SAFB2: variants seen among roughly 807,000 people sequenced by gnomAD.
SAFB2 encodes the protein scaffold attachment factor B2.
In SAFB2, 32 loss-of-function variants were observed where a neutral mutation model predicts 100.6. The observed-to-expected ratio is 0.32, with a 90% confidence interval of 0.24 to 0.43. The LOEUF (loss-of-function observed/expected upper bound fraction) is 0.43, where lower values mean the gene tolerates loss of function less well. SAFB2 is among the 20% of genes least tolerant of loss of function. The pLI is 1.00. For missense variants in SAFB2, 1,185 were observed against 1,163.4 expected, an observed-to-expected ratio of 1.02 and a Z score of -0.27; for synonymous variants, 500 against 439.4, an observed-to-expected ratio of 1.14 and a Z score of -1.72.
intron 6 of SAFB2, chr19:5,612,156 G>A: frequency 3.0e-6 from 1 of 336,000 alleles, no homozygotes; most frequent in South Asian, 3.2e-5. Context: ...CTTCTCAGGT[G>A]GTAAGTGCCC....
intron 4 of SAFB2, among the ~76,000 whole-genome samples, chr19:5,615,472 C>G (rs1253382315): frequency 6.6e-6 from 1 of 151,994 alleles, no homozygotes; most frequent in Non-Finnish European, 1.5e-5. Flanking sequence ...CTCTGGGAGG[C>G]TGAGGCGGGA....
chr19:5,587,042 A>T lies in SAFB2; in HGVS notation c.*201T>A. 1.4e-6 allele frequency: 1 copy of T among 718,152 alleles called. No homozygotes were observed. Among genetic ancestry groups the T allele is most frequent in the Non-Finnish European group, 2.2e-6 (1 of 445,598 alleles). 44.5% of individuals were successfully genotyped at this position (718,152 alleles called of 1,614,324 possible). A position where few individuals can be genotyped will look rare whatever the true frequency, so the allele number is the denominator to read the frequency against. On this transcript the variant is annotated 3_prime_UTR_variant, in exon 21 of 21. Coordinates refer to ENST00000252542, the MANE Select transcript of SAFB2 (RefSeq NM_014649.3). This position sits in a 1 kb window ranked among gnomAD's most constrained non-coding sequence, Gnocchi z 4.9. ...TTAATGGAAAATGGAATGCCTCGTT[A>T]ACAGAAACCTTGATTTAAAAATGGC...
At chr19:5,611,881 G>A (rs1352770742) in intron 6 of SAFB2, 1 of 640,272 alleles carries the variant, frequency 1.6e-6, no homozygotes, top group Non-Finnish European at 2.8e-6. Context: ...CAACCACGCG[G>A]CTGGTTCTCA....
At chr19:5,591,662 T>G in intron 17 of SAFB2, 86 bp downstream of exon 17, 1 of 1,384,940 alleles carries the variant, frequency 7.2e-7, no homozygotes. Context: ...CTCTCTGGGA[T>G]CAAGCGGCCG....
intron 9 of SAFB2, 94 bp downstream of exon 9, chr19:5,609,901 C>G (rs987273606): frequency 2.0e-5 from 22 of 1,109,770 alleles, no homozygotes; most frequent in Middle Eastern, 2.0e-4. Context: ...GCCTCCCAAA[C>G]TGCTGGGATT....
In SAFB2 at chr19:5,591,622, A is replaced by AC. The variant is rs1471702782; in HGVS notation, c.2394+125dup. The AC allele has an allele frequency of 1.7e-5, 14 of 815,388 alleles. No individual in the cohort carries two copies. In the East Asian group the frequency reaches 2.9e-4, roughly 17 times the overall value. The allele number at this position is 815,388 out of a possible 1,614,324, so 50.5% of individuals were successfully genotyped here. A position where few individuals can be genotyped will look rare whatever the true frequency, so the allele number is the denominator to read the frequency against. ...CGCTGGCCAGAACCCACACTTGCAT[A>AC]CCCGCCACACGTGCTGACTTGGTTG... is the stretch of plus-strand genomic sequence containing the variant. On this transcript the variant is annotated intron_variant, in intron 17 of 20. Transcript: ENST00000252542.
chr19:5,607,493 G>A (rs1483585769), intron 9 of SAFB2, among the ~76,000 whole-genome samples: 1 of 152,162 alleles, frequency 6.6e-6, no homozygotes, highest in African/African-American at 2.4e-5. Context: ...CAGACTGTAA[G>A]GGAAGATGTG....
rs992533829 is a variant in SAFB2 at position 5,587,642 on chromosome 19, A to G, written c.2705+59T>C. On this transcript the variant is annotated intron_variant, in intron 20 of 20. Coordinates refer to ENST00000252542, the MANE Select transcript of SAFB2 (RefSeq NM_014649.3). This position sits in a 1 kb window ranked among gnomAD's most constrained non-coding sequence, Gnocchi z 4.9. Reference sequence around the variant, plus strand: ...AGCCAGCTGATCAAACATGCAAAAAAGGGAGAGGAAGTGAGGAGCAGGAGT... The same window carrying G: ...AGCCAGCTGATCAAACATGCAAAAAGGGGAGAGGAAGTGAGGAGCAGGAGT... 539 of 1,491,542 alleles carry G rather than the reference A, an allele frequency of 3.6e-4. No individual in the cohort carries two copies. The highest frequency in any genetic ancestry group is 2.4e-4 in the Non-Finnish European group (270 of 1,114,284). The allele number at this position is 1,491,542 out of a possible 1,614,324, so 92.4% of individuals were successfully genotyped here. A position where few individuals can be genotyped will look rare whatever the true frequency, so the allele number is the denominator to read the frequency against.
intron 2 of SAFB2, among the ~76,000 whole-genome samples, chr19:5,620,856 AG>A (rs763767415): frequency 3.2e-4 from 48 of 152,238 alleles, no homozygotes; most frequent in Non-Finnish European, 6.2e-4. Flanking sequence ...AAACCGTAAT[AG>A]TAAAAAATAG....
chr19:5,602,349 A>G (rs917157776), intron 11 of SAFB2, among the ~76,000 whole-genome samples: 10 of 151,772 alleles, frequency 6.6e-5, no homozygotes, highest in South Asian at 2.1e-4. Flanking sequence ...GCGTGGTGGT[A>G]GGCGCCTATA....
intron 16 of SAFB2, 48 bp downstream of exon 16, chr19:5,592,699 C>T: frequency 2.5e-6 from 4 of 1,608,300 alleles, no homozygotes; most frequent in Non-Finnish European, 3.4e-6. Flanking sequence ...GCTGGATGCC[C>T]CGGTGCCCAC....
chr19:5,600,518 T>C (rs1232849254), intron 11 of SAFB2, among the ~76,000 whole-genome samples: 2 of 152,214 alleles, frequency 1.3e-5, no homozygotes, highest in African/African-American at 4.8e-5. Flanking sequence ...TTCCAAAATG[T>C]CAGACAGGCT....
At chr19:5,617,150 ATACCCATC>A (rs2053050718) in intron 2 of SAFB2, among the ~76,000 whole-genome samples, 1 of 152,252 alleles carries the variant, frequency 6.6e-6, no homozygotes, top group Non-Finnish European at 1.5e-5. Context: ...AAAAAATGCA[ATACCCATC>A]TAGTAACCAA....
chr19:5,611,787 T>A (rs1318583850), intron 6 of SAFB2, 157 bp from the exon 7 acceptor site: 1 of 580,598 alleles, frequency 1.7e-6, no homozygotes, highest in African/African-American at 1.9e-5. Flanking sequence ...GTTATACTGG[T>A]TACACTACCT....
Position 5,587,616 on chromosome 19 carries a change from C to A in SAFB2, c.2705+85G>T. Reference sequence around the variant, plus strand: ...TGCTTTGTTTTCATAACATCCAACCCAGCCAGCTGATCAAACATGCAAAAA... The same window carrying A: ...TGCTTTGTTTTCATAACATCCAACCAAGCCAGCTGATCAAACATGCAAAAA... On this transcript the variant is annotated intron_variant, in intron 20 of 20. Transcript: ENST00000252542. The surrounding 1 kb of genome is among the most constrained non-coding windows in gnomAD (Gnocchi z 4.9). The A allele has an allele frequency of 6.8e-7, 1 of 1,473,394 alleles. No homozygotes were observed. Among genetic ancestry groups the A allele is most frequent in the Admixed American group, 2.5e-5 (1 of 39,952 alleles). The allele number at this position is 1,473,394 out of a possible 1,614,324, so 91.3% of individuals were successfully genotyped here. A position where few individuals can be genotyped will look rare whatever the true frequency, so the allele number is the denominator to read the frequency against.
chr19:5,605,111 C>CTTT (rs1187608417), intron 9 of SAFB2, among the ~76,000 whole-genome samples, 175 bp from the exon 10 acceptor site: 3 of 144,552 alleles, frequency 2.1e-5, no homozygotes, highest in African/African-American at 7.6e-5. Flanking sequence ...AATACAATTG[C>CTTT]TTTTTTTTTT....
rs1214147375 is a variant in SAFB2 at position 5,610,577 on chromosome 19, G to T, written c.1195+62C>A. 4 of 1,199,780 alleles carry T rather than the reference G, an allele frequency of 3.3e-6. No homozygotes were observed. In the East Asian group the frequency reaches 7.1e-5, roughly 21 times the overall value. 74.3% of individuals were successfully genotyped at this position (1,199,780 alleles called of 1,614,324 possible). On this transcript the variant is annotated intron_variant, in intron 8 of 20. Coordinates refer to ENST00000252542, the MANE Select transcript of SAFB2 (RefSeq NM_014649.3). The stretch of plus-strand genomic sequence containing the variant: ...GAATCCAAAGTGTGTATATCTCCAG[G>T]CCCCTCCTCCCAAAATAAGGGAACC...
chr19:5,595,539 G>C, intron 13 of SAFB2, 42 bp from the exon 14 acceptor site: 1 of 1,606,698 alleles, frequency 6.2e-7, no homozygotes. Context: ...GAAAATGATT[G>C]CAACAAACAA....
intron 12 of SAFB2, among the ~76,000 whole-genome samples, chr19:5,599,574 A>T (rs1712458250): frequency 6.6e-6 from 1 of 151,214 alleles, no homozygotes; most frequent in Non-Finnish European, 1.5e-5. Flanking sequence ...CTCTTCCTTG[A>T]TGGGGGAGGT....
Sources: gnomAD v4.1 joint callset for allele counts (sites outside exome capture counted in the v4.1 genomes callset) on GRCh38, gnomAD v4.1.1 for gene constraint, Gnocchi (gnomAD v3.1) non-coding constraint, MANE v1.5 for transcripts, NCBI Gene and HGNC (gene_info 2026-07-23, HGNC 2026-07-21) for gene names.